The following ST6GALNAC6 variants were observed in gnomAD, a reference collection of about 807,000 sequenced individuals.
The protein encoded by ST6GALNAC6 is ST6 N-acetylgalactosaminide alpha-2,6-sialyltransferase 6.
ST6GALNAC6 carries 19 observed loss-of-function variants against 34.3 expected under a neutral mutation model. The observed-to-expected ratio is 0.55, with a 90% confidence interval of 0.39 to 0.81. ST6GALNAC6 has a LOEUF of 0.81. Among genes scored for constraint, ST6GALNAC6 ranks in the 40% least tolerant of loss-of-function variants. ST6GALNAC6 has a pLI of 0.00. For missense variants in ST6GALNAC6, 377 were observed against 467.7 expected (o/e 0.81, Z 1.79); for synonymous variants, 185 against 182.1 (o/e 1.02, Z -0.13).
At chr9:127,902,990 C>CTTT (rs10551658), upstream of ST6GALNAC6, 10 of 54,106 alleles carry the variant, frequency 1.8e-4, no homozygotes, top group African/African-American at 6.4e-4. Flanking sequence ...TTTTTGCTTG[C>CTTT]TTTTTTTTTT....
upstream of ST6GALNAC6, chr9:127,905,829 A>T: frequency 1.8e-6 from 1 of 564,934 alleles, no homozygotes; most frequent in Non-Finnish European, 2.2e-6. Flanking sequence ...AGACCACTAC[A>T]GCAGAAAGTG....
At chr9:127,888,806 AAAACAAACAAACAAAC>A (rs59403833) in intron 5 of ST6GALNAC6, among the ~76,000 whole-genome samples, 1 of 148,694 alleles carries the variant, frequency 6.7e-6, no homozygotes. Flanking sequence ...ACTCCATCTC[AAAACAAACAAACAAAC>A]AAACAAACAA....
At chr9:127,892,229 A>G (rs779503684) in intron 4 of ST6GALNAC6, among the ~76,000 whole-genome samples, 3 of 152,230 alleles carry the variant, frequency 2.0e-5, no homozygotes, top group Non-Finnish European at 4.4e-5. Context: ...TTCTGACCTC[A>G]CAGTCTAACC....
Position 127,886,570 on chromosome 9 carries a change from C to G in ST6GALNAC6, c.*29G>C, listed in dbSNP as rs1239494689. The G allele has an allele frequency of 1.2e-6, 2 of 1,612,262 alleles. No individual in the cohort carries two copies. Among genetic ancestry groups the G allele is most frequent in the Non-Finnish European group, 1.7e-6 (2 of 1,179,060 alleles). ...TGGGCGGAGGCTGCTTCTCCTCTGA[C>G]CCTCCTGAGGTCCCACAGGCTGGGT... On this transcript the variant is annotated 3_prime_UTR_variant, in exon 7 of 7. Transcript: ENST00000373146.
In ST6GALNAC6 at chr9:127,886,529, T is replaced by C. The variant is rs757937721; in HGVS notation, c.*70A>G. Reference sequence around the variant, plus strand: ...CAAGCCTTGATTGGCCAGAAGATGGTCCCTGGCCTAGCGGCTGGGCGGAGG... The same window carrying C: ...CAAGCCTTGATTGGCCAGAAGATGGCCCCTGGCCTAGCGGCTGGGCGGAGG... On this transcript the variant is annotated 3_prime_UTR_variant, in exon 7 of 7. Transcript: ENST00000373146. The C allele has an allele frequency of 5.7e-6, 9 of 1,586,548 alleles. No individual in the cohort carries two copies. The highest frequency in any genetic ancestry group is 7.7e-6 in the Non-Finnish European group (9 of 1,166,410).
At chr9:127,891,112 C>A in intron 4 of ST6GALNAC6, 69 bp from the exon 5 acceptor site, 1 of 1,532,836 alleles carries the variant, frequency 6.5e-7, no homozygotes, top group Non-Finnish European at 8.8e-7. Context: ...TACATCCAGG[C>A]CTCCAGGACC....
Position 127,887,580 on chromosome 9 carries a change from T to G in ST6GALNAC6, c.716A>C (p.His239Pro). 1 of 1,610,724 alleles carries G rather than the reference T, an allele frequency of 6.2e-7. No individual in the cohort carries two copies. The highest frequency in any genetic ancestry group is 8.5e-7 in the Non-Finnish European group (1 of 1,178,212). ...AAACCAGCCTGTGCTCAACCACGAA[T>G]GAGACTTCTCCCTGGGGATGGAGAG... ...GETGKDREKSHSWLSTGWFTM... is the reference protein window; with the variant it reads ...GETGKDREKSPSWLSTGWFTM... Residue 239 changes from histidine to proline, a missense_variant, in exon 6 of 7, where the codon CAT (histidine) becomes CCT (proline). By Grantham distance (77) the His-to-Pro change is moderately conservative. Coordinates refer to ENST00000373146, the MANE Select transcript of ST6GALNAC6 (RefSeq NM_013443.5).
intron 3 of ST6GALNAC6, among the ~76,000 whole-genome samples, chr9:127,895,395 A>T (rs2131546870): frequency 6.6e-6 from 1 of 152,286 alleles, no homozygotes; most frequent in African/African-American, 2.4e-5. Flanking sequence ...TCCCGCTGTG[A>T]TCACAGCTTC....
chr9:127,897,690 G>T, intron 2 of ST6GALNAC6: 3 of 753,986 alleles, frequency 4.0e-6, no homozygotes, highest in South Asian at 2.1e-5. Context: ...AAAGACAGGA[G>T]TCCAGAATCC....
At chr9:127,887,749 A>G (rs534323673) in intron 5 of ST6GALNAC6, among the ~76,000 whole-genome samples, 158 bp from the exon 6 acceptor site, 1 of 152,246 alleles carries the variant, frequency 6.6e-6, no homozygotes, top group Non-Finnish European at 1.5e-5. Flanking sequence ...CGCTGATGGG[A>G]GCATGGCATG....
Position 127,890,511 on chromosome 9 carries a change from A to AC in ST6GALNAC6, c.704+125dup. 1.4e-6 allele frequency: 2 copies of AC among 1,388,258 alleles called. No homozygotes were observed. The highest frequency in any genetic ancestry group is 2.0e-6 in the Non-Finnish European group (2 of 1,019,186). The allele number at this position is 1,388,258 out of a possible 1,614,324, so 86.0% of individuals were successfully genotyped here. A position where few individuals can be genotyped will look rare whatever the true frequency, so the allele number is the denominator to read the frequency against. Reference sequence around the variant, plus strand: ...GAAGAGAACTCTCCTAGGAGGCCCAACCAGAGGACGGCGGGACTTGACTAC... The same window carrying AC: ...GAAGAGAACTCTCCTAGGAGGCCCAACCCAGAGGACGGCGGGACTTGACTAC... On this transcript the variant is annotated intron_variant, in intron 5 of 6. Transcript: ENST00000373146. The surrounding 1 kb of genome is among the most constrained non-coding windows in gnomAD (Gnocchi z 4.3).
chr9:127,888,677 G>T (rs1203659913), intron 5 of ST6GALNAC6, among the ~76,000 whole-genome samples: 3 of 151,960 alleles, frequency 2.0e-5, no homozygotes, highest in East Asian at 3.9e-4. Flanking sequence ...GTGGTGGCAC[G>T]TGCCTGTGAT....
intron 2 of ST6GALNAC6, chr9:127,896,741 T>C (rs566561987): frequency 8.3e-5 from 35 of 423,944 alleles, no homozygotes; most frequent in African/African-American, 7.3e-4. Context: ...TCTGGCTCTC[T>C]CTCAGGTTGG....
intron 5 of ST6GALNAC6, 71 bp from the exon 6 acceptor site, chr9:127,887,662 C>T: frequency 1.6e-6 from 2 of 1,266,672 alleles, no homozygotes; most frequent in South Asian, 1.3e-5. Flanking sequence ...CAGGGTCACC[C>T]ACGTGGAGTT....
chr9:127,898,116 C>A, intron 1 of ST6GALNAC6, 106 bp from the exon 2 acceptor site: 1 of 687,510 alleles, frequency 1.5e-6, no homozygotes, highest in South Asian at 1.6e-5. Flanking sequence ...CCACATTGGC[C>A]GGGCGCGGTG....
upstream of ST6GALNAC6, among the ~76,000 whole-genome samples, chr9:127,902,705 C>G (rs1588665681): frequency 1.3e-5 from 2 of 150,878 alleles, no homozygotes; most frequent in African/African-American, 4.9e-5. Context: ...TCTCCTGCTT[C>G]AGCCTCCTGA....
intron 3 of ST6GALNAC6, 148 bp downstream of exon 3, chr9:127,896,094 G>A (rs1830434317): frequency 1.1e-6 from 1 of 913,998 alleles, no homozygotes; most frequent in Middle Eastern, 2.3e-4. Context: ...CCAAACCAGG[G>A]CTTAAATCTG....
At position 127,886,073 on chromosome 9, in the gene ST6GALNAC6, C is replaced by G; in HGVS notation, c.*526G>C. 6.2e-6 allele frequency: 1 copy of G among 161,672 alleles called. No homozygotes were observed. The highest frequency in any genetic ancestry group is 1.3e-5 in the Non-Finnish European group (1 of 74,486). 10.0% of individuals were successfully genotyped at this position (161,672 alleles called of 1,614,324 possible). ...AGCCAAGACCTGGATGCCGGCCTCC[C>G]ACCTCTGGGACCTCCCCACCGCCCC... On this transcript the variant is annotated 3_prime_UTR_variant, in exon 7 of 7. Coordinates refer to ENST00000373146, the MANE Select transcript of ST6GALNAC6 (RefSeq NM_013443.5).
chr9:127,904,820 A>C (rs1372514683), intron 1 of ST6GALNAC6: 2 of 152,338 alleles, frequency 1.3e-5, no homozygotes, highest in Non-Finnish European at 2.9e-5. Context: ...CTCTTCCCCC[A>C]CAGAGGCTGG....
Sources: allele counts gnomAD v4.1 joint callset (sites outside exome capture counted in the v4.1 genomes callset), GRCh38; gene constraint gnomAD v4.1.1; non-coding constraint Gnocchi (gnomAD v3.1); transcripts MANE v1.5; gene names NCBI Gene and HGNC (gene_info 2026-07-23, HGNC 2026-07-21).